Variants in UBFD1 observed in about 807,000 individuals in gnomAD.
The protein encoded by UBFD1 is ubiquitin family domain containing 1.
A neutral mutation model predicts 35.1 loss-of-function variants in UBFD1; 12 were observed. The ratio of observed to expected loss-of-function variants is 0.34; its 90% CI spans 0.22 to 0.55. The LOEUF (loss-of-function observed/expected upper bound fraction) is 0.55, where lower values mean the gene tolerates loss of function less well. Ranked by LOEUF, UBFD1 falls within the 20% of genes least tolerant of loss-of-function variation. The pLI is 0.89. For synonymous variants in UBFD1, 178 were observed against 167.6 expected, an observed-to-expected ratio of 1.06 and a Z score of -0.48; for missense variants, 337 against 410.8, an observed-to-expected ratio of 0.82 and a Z score of 1.55.
rs539790047 is a variant in UBFD1, at chr16:23,572,084, C to T, written c.*1494C>T. ...ATGTGTTCGCCCAAGATGACTATTCCTTGTGAGCCAGTTAATGATGATATT... is the reference window on the plus strand; with the variant it reads ...ATGTGTTCGCCCAAGATGACTATTCTTTGTGAGCCAGTTAATGATGATATT... On this transcript the variant is annotated 3_prime_UTR_variant, in exon 7 of 7. Transcript: ENST00000395878. 6.5e-6 allele frequency: 1 copy of T among 152,732 alleles called. No homozygotes were observed. Among genetic ancestry groups the T allele is most frequent in the Admixed American group, 6.5e-5 (1 of 15,296 alleles). 9.5% of individuals were successfully genotyped at this position (152,732 alleles called of 1,614,324 possible).
chr16:23,559,735 G>C, intron 3 of UBFD1, 59 bp downstream of exon 3: 1 of 1,605,664 alleles, frequency 6.2e-7, no homozygotes, highest in South Asian at 1.1e-5. Context: ...CTCTTGAGCC[G>C]TGGCTGGTTA....
In UBFD1 at chr16:23,570,379, C is replaced by G. The variant is rs1448536410; in HGVS notation, c.820-101C>G. 4.7e-6 allele frequency: 4 copies of G among 858,088 alleles called. No individual in the cohort carries two copies. In the East Asian group the frequency reaches 7.6e-5, roughly 16 times the overall value. The allele number at this position is 858,088 out of a possible 1,614,324, so 53.2% of individuals were successfully genotyped here. On this transcript the variant is annotated intron_variant, in intron 6 of 6. Coordinates refer to ENST00000395878, the MANE Select transcript of UBFD1 (RefSeq NM_019116.3). ...CAAAGTTTTGTTTGGTTTTTCTTCC[C>G]TTTTTAATTAACTCACATCCCAACC...
At chr16:23,570,347 C>A in intron 6 of UBFD1, 133 bp from the exon 7 acceptor site, 1 of 685,542 alleles carries the variant, frequency 1.5e-6, no homozygotes, top group South Asian at 1.8e-5. Flanking sequence ...AGAATGCTCC[C>A]CACGTGCAAA....
intron 3 of UBFD1, among the ~76,000 whole-genome samples, chr16:23,560,526 T>C (rs967023826): frequency 6.6e-6 from 1 of 152,036 alleles, no homozygotes; most frequent in Non-Finnish European, 1.5e-5. Context: ...TGACCAACAG[T>C]AAGAAAAGGA....
intron 3 of UBFD1, 125 bp downstream of exon 3, chr16:23,559,801 C>T (rs1393580252): frequency 6.5e-7 from 1 of 1,548,978 alleles, no homozygotes; most frequent in South Asian, 1.2e-5. Flanking sequence ...AAATTTATGG[C>T]AGCAGTTGGG....
chr16:23,558,163 G>T lies in UBFD1; in HGVS notation c.239G>T (p.Gly80Val). Residue 80 changes from glycine to valine, a missense_variant, in exon 2 of 7, where the codon GGC becomes GTC. Around this residue, in one of 4 missense-constraint regions of UBFD1, gnomAD observed 198 missense variants for 168.4 expected, o/e 1.18. Coordinates refer to ENST00000395878, the MANE Select transcript of UBFD1 (RefSeq NM_019116.3). Reference protein sequence around the residue: ...SVSNGEDAGGGAGRELVDLKI... With the variant: ...SVSNGEDAGGVAGRELVDLKI... The stretch of plus-strand genomic sequence containing the variant: ...AGCAACGGCGAAGACGCGGGCGGCG[G>T]CGCGGGCAGGGAGCTGGTGGACTTG... The T allele has an allele frequency of 6.2e-7, 1 of 1,605,574 alleles. No individual in the cohort carries two copies. The highest frequency in any genetic ancestry group is 8.5e-7 in the Non-Finnish European group (1 of 1,176,800).
At chr16:23,558,855 A>C (rs1325262848) in intron 2 of UBFD1, among the ~76,000 whole-genome samples, 1 of 148,980 alleles carries the variant, frequency 6.7e-6, no homozygotes, top group East Asian at 2.0e-4. Flanking sequence ...ATCTTGGCTC[A>C]CTGCAGCCTC....
At chr16:23,567,505 C>T (rs994309603) in intron 6 of UBFD1, among the ~76,000 whole-genome samples, 2 of 152,180 alleles carry the variant, frequency 1.3e-5, no homozygotes, top group African/African-American at 2.4e-5. Context: ...ATAACGATGC[C>T]GCTCTTCCAG....
At chr16:23,566,849 G>A in intron 5 of UBFD1, 138 bp from the exon 6 acceptor site, 2 of 753,362 alleles carry the variant, frequency 2.7e-6, no homozygotes, top group East Asian at 5.0e-5. Flanking sequence ...CTGTCGTGTT[G>A]TCCCCAGAGG....
Position 23,570,476 on chromosome 16 carries a change from C to T in UBFD1, c.820-4C>T. ...ACCGCTTGGTTTTCCTTTTTCCCTT[C>T]CAGGCGTTTCAGTTGGGCCCCACGG... On this transcript the variant is annotated splice_region_variant and splice_polypyrimidine_tract_variant and intron_variant, in intron 6 of 6. Transcript: ENST00000395878. The T allele has an allele frequency of 1.2e-6, 2 of 1,612,654 alleles. No homozygotes were observed. Among genetic ancestry groups the T allele is most frequent in the South Asian group, 2.2e-5 (2 of 90,944 alleles).
rs752905240 is a variant in UBFD1, at chr16:23,562,749, C to T, written c.736+19C>T. Reference sequence around the variant, plus strand: ...ACTAAAGGTATGTTCTTCCTCGCCTCCTTGCTGGCCCACTGCCTGCCTCTG... The same window carrying T: ...ACTAAAGGTATGTTCTTCCTCGCCTTCTTGCTGGCCCACTGCCTGCCTCTG... On this transcript the variant is annotated intron_variant, in intron 5 of 6. Coordinates refer to ENST00000395878, the MANE Select transcript of UBFD1 (RefSeq NM_019116.3). The T allele has an allele frequency of 1.9e-6, 3 of 1,607,408 alleles. No individual in the cohort carries two copies. Among genetic ancestry groups the T allele is most frequent in the Non-Finnish European group, 2.6e-6 (3 of 1,174,266 alleles).
rs1966094433 is a variant in UBFD1, at chr16:23,572,181, T to C, written c.*1591T>C. The C allele has an allele frequency of 6.5e-6, 1 of 152,692 alleles. No homozygotes were observed. The highest frequency in any genetic ancestry group is 2.4e-5 in the African/African-American group (1 of 41,468). The allele number at this position is 152,692 out of a possible 1,614,324, so 9.5% of individuals were successfully genotyped here. A position where few individuals can be genotyped will look rare whatever the true frequency, so the allele number is the denominator to read the frequency against. Reference sequence around the variant, plus strand: ...AGACAGACTCTTGCTTTCCATGGTGTAGTCAATGCCAAGTGATGCATCTAG... The same window carrying C: ...AGACAGACTCTTGCTTTCCATGGTGCAGTCAATGCCAAGTGATGCATCTAG... On this transcript the variant is annotated 3_prime_UTR_variant, in exon 7 of 7. Transcript: ENST00000395878.
intron 2 of UBFD1, 107 bp from the exon 3 acceptor site, chr16:23,559,361 G>A (rs1965894409): frequency 2.2e-6 from 2 of 909,856 alleles, no homozygotes; most frequent in Non-Finnish European, 3.3e-6. Flanking sequence ...CTAATAGGTG[G>A]TGGAGGCAGT....
At chr16:23,567,943 G>A (rs1215505693) in intron 6 of UBFD1, among the ~76,000 whole-genome samples, 1 of 152,260 alleles carries the variant, frequency 6.6e-6, no homozygotes, top group African/African-American at 2.4e-5. Context: ...CAGGCAGAGA[G>A]ATGTGTTGGA....
chr16:23,567,271 A>G (rs538585838), intron 6 of UBFD1, among the ~76,000 whole-genome samples: 2 of 152,010 alleles, frequency 1.3e-5, no homozygotes, highest in Admixed American at 1.3e-4. Context: ...ACACCCCCCC[A>G]CACACACCTT....
chr16:23,563,046 A>G (rs1264161061), intron 5 of UBFD1, among the ~76,000 whole-genome samples: 1 of 151,744 alleles, frequency 6.6e-6, no homozygotes, highest in Admixed American at 6.6e-5. Context: ...ATGACACACA[A>G]TCTGTAAAAA....
At chr16:23,559,894 T>G in intron 3 of UBFD1, 1 of 1,525,854 alleles carries the variant, frequency 6.6e-7, no homozygotes, top group Non-Finnish European at 8.8e-7. Context: ...GTCTACCTAC[T>G]TTAGGATAAG....
At chr16:23,566,890 G>C (rs1376096950) in intron 5 of UBFD1, 97 bp from the exon 6 acceptor site, 1 of 1,181,010 alleles carries the variant, frequency 8.5e-7, no homozygotes, top group South Asian at 1.3e-5. Context: ...GTTTACTGTA[G>C]ATCCCGCAGC....
chr16:23,560,849 G>A (rs974406986), intron 3 of UBFD1, among the ~76,000 whole-genome samples: 4 of 152,144 alleles, frequency 2.6e-5, no homozygotes, highest in Admixed American at 6.5e-5. Flanking sequence ...CACATATGGG[G>A]TCTCAGTGTC....
Sources: allele counts gnomAD v4.1 joint callset (sites outside exome capture counted in the v4.1 genomes callset), GRCh38; gene constraint gnomAD v4.1.1; regional missense constraint gnomAD v4.1.1; transcripts MANE v1.5; gene names NCBI Gene and HGNC (gene_info 2026-07-23, HGNC 2026-07-21).